The following ULK4 variants were observed in gnomAD, a reference collection of about 807,000 sequenced individuals.
ULK4 encodes unc-51 like kinase 4, also known as inactive serine/threonine-protein kinase ULK4.
In ULK4, 133 loss-of-function variants were observed where a neutral mutation model predicts 160.6. The ratio of observed to expected loss-of-function variants is 0.83; its 90% CI spans 0.72 to 0.96. The LOEUF (loss-of-function observed/expected upper bound fraction) is 0.96. Ranked by LOEUF, ULK4 falls within the 40% of genes least tolerant of loss-of-function variation. ULK4 has a pLI of 0.00. For missense variants in ULK4, 1,580 were observed against 1,499.5 expected, an observed-to-expected ratio of 1.05 and a Z score of -0.89; for synonymous variants, 534 against 539.8, an observed-to-expected ratio of 0.99 and a Z score of 0.15.
At chr3:41,934,140 G>A (rs1002959165) in intron 4 of ULK4, among the ~76,000 whole-genome samples, 8 of 152,148 alleles carry the variant, frequency 5.3e-5, no homozygotes, top group African/African-American at 1.9e-4. Flanking sequence ...ATGTAACAAT[G>A]AATTACATGA....
At chr3:41,391,508 A>G (rs2081957084) in intron 35 of ULK4, among the ~76,000 whole-genome samples, 1 of 151,896 alleles carries the variant, frequency 6.6e-6, no homozygotes, top group South Asian at 2.1e-4. Flanking sequence ...ATTATACCTC[A>G]AGGAATATTT....
chr3:41,554,952 T>C (rs1461021597), intron 32 of ULK4, among the ~76,000 whole-genome samples: 1 of 151,936 alleles, frequency 6.6e-6, no homozygotes, highest in Non-Finnish European at 1.5e-5. Flanking sequence ...AAAACTGAAA[T>C]ATATATGGAA....
chr3:41,789,613 A>C, intron 21 of ULK4, 48 bp downstream of exon 21: 2 of 1,480,524 alleles, frequency 1.4e-6, no homozygotes, highest in Non-Finnish European at 1.8e-6. Context: ...TAAAATGCAG[A>C]AGAAAACAAT....
At chr3:41,814,823 G>A (rs1435309303) in intron 19 of ULK4, among the ~76,000 whole-genome samples, 1 of 151,280 alleles carries the variant, frequency 6.6e-6, no homozygotes, top group African/African-American at 2.4e-5. Flanking sequence ...TACATATGAC[G>A]TGTATCTTTT....
intron 31 of ULK4, among the ~76,000 whole-genome samples, chr3:41,574,903 T>G (rs1016426676): frequency 2.0e-5 from 3 of 151,370 alleles, no homozygotes; most frequent in African/African-American, 7.3e-5. Flanking sequence ...GGCTTAAATC[T>G]GGAAGGCTGT....
intron 27 of ULK4, among the ~76,000 whole-genome samples, chr3:41,689,109 T>G (rs1053472091): frequency 2.6e-5 from 4 of 152,154 alleles, no homozygotes; most frequent in Non-Finnish European, 4.4e-5. Context: ...CCCTGCCAAA[T>G]AGCCTCCAAT....
chr3:41,588,804 A>G (rs1475027319), intron 31 of ULK4, among the ~76,000 whole-genome samples: 1 of 152,230 alleles, frequency 6.6e-6, no homozygotes, highest in Non-Finnish European at 1.5e-5. Context: ...TAGGTATGAC[A>G]GTCATATATT....
At chr3:41,373,065 G>A (rs1476329727) in intron 35 of ULK4, among the ~76,000 whole-genome samples, 4 of 152,086 alleles carry the variant, frequency 2.6e-5, no homozygotes, top group Non-Finnish European at 5.9e-5. Context: ...ATAGTAAAGG[G>A]ATCAATGCAA....
At chr3:41,352,118 T>C (rs960427949) in intron 35 of ULK4, among the ~76,000 whole-genome samples, 6 of 152,216 alleles carry the variant, frequency 3.9e-5, no homozygotes, top group Non-Finnish European at 7.3e-5. Flanking sequence ...AGGAGGGAGC[T>C]TGGAGTGTCT....
At chr3:41,681,893 C>A in intron 27 of ULK4, 89 bp from the exon 28 acceptor site, 2 of 1,454,664 alleles carry the variant, frequency 1.4e-6, no homozygotes, top group East Asian at 2.3e-5. Flanking sequence ...AGACAGAATC[C>A]CTAATCAAAG....
chr3:41,368,360 T>C (rs1170012990), intron 35 of ULK4, among the ~76,000 whole-genome samples: 1 of 152,204 alleles, frequency 6.6e-6, no homozygotes, highest in African/African-American at 2.4e-5. Flanking sequence ...GTGTTGTGAT[T>C]TTTTAAAATA....
At chr3:41,716,086 G>A (rs765467382) in intron 23 of ULK4, among the ~76,000 whole-genome samples, 6 of 151,230 alleles carry the variant, frequency 4.0e-5, no homozygotes, top group East Asian at 3.9e-4. Flanking sequence ...GATGGTGTGC[G>A]CCTGTAGTCC....
chr3:41,590,931 ATTT>A (rs1201265679), intron 31 of ULK4, among the ~76,000 whole-genome samples: 2 of 152,122 alleles, frequency 1.3e-5, no homozygotes, highest in Non-Finnish European at 2.9e-5. Context: ...TGGTTGAAGA[ATTT>A]TTTATTTGAA....
intron 34 of ULK4, among the ~76,000 whole-genome samples, chr3:41,410,406 T>A (rs1193225238): frequency 6.6e-6 from 1 of 151,916 alleles, no homozygotes; most frequent in East Asian, 1.9e-4. Flanking sequence ...AACATACAGC[T>A]AAGAGAACAA....
intron 17 of ULK4, among the ~76,000 whole-genome samples, chr3:41,862,632 T>C (rs1346717509): frequency 6.6e-6 from 1 of 152,164 alleles, no homozygotes; most frequent in African/African-American, 2.4e-5. Context: ...AGTAACACTG[T>C]AGTTCTTGCA....
At chr3:41,773,374 C>G (rs2039478993) in intron 21 of ULK4, among the ~76,000 whole-genome samples, 1 of 152,168 alleles carries the variant, frequency 6.6e-6, no homozygotes, top group South Asian at 2.1e-4. Flanking sequence ...TCAGCAAAGT[C>G]TCAGGATACA....
intron 34 of ULK4, among the ~76,000 whole-genome samples, chr3:41,442,920 CTCT>C (rs1264073382): frequency 2.6e-5 from 4 of 152,162 alleles, no homozygotes; most frequent in East Asian, 1.9e-4. Context: ...AATAGTGCTT[CTCT>C]TCTTCTCATC....
intron 32 of ULK4, among the ~76,000 whole-genome samples, chr3:41,484,767 C>T (rs958660600): frequency 1.1e-4 from 17 of 151,988 alleles, no homozygotes; most frequent in Admixed American, 4.6e-4. Flanking sequence ...GACCTTTTTA[C>T]GCAGGCTTAA....
intron 34 of ULK4, among the ~76,000 whole-genome samples, chr3:41,455,110 G>C (rs905407069): frequency 2.0e-5 from 3 of 152,080 alleles, no homozygotes; most frequent in African/African-American, 7.2e-5. Flanking sequence ...GTGGGCCCTA[G>C]GTCTGTGTCT....
Sources: allele counts gnomAD v4.1 joint callset (sites outside exome capture counted in the v4.1 genomes callset), GRCh38; gene constraint gnomAD v4.1.1; transcripts MANE v1.5; gene names NCBI Gene and HGNC (gene_info 2026-07-23, HGNC 2026-07-21).